Variants in SFXN1 observed in about 807,000 individuals in gnomAD.
SFXN1 encodes sideroflexin-1.
In SFXN1, 32 loss-of-function variants were observed where a neutral mutation model predicts 39.5. The ratio of observed to expected loss-of-function variants is 0.81; its 90% CI spans 0.61 to 1.09. SFXN1 has a LOEUF of 1.09. SFXN1 is among the 50% of genes least tolerant of loss of function. The pLI is 0.00. For synonymous variants in SFXN1, 136 were observed against 146.5 expected, an observed-to-expected ratio of 0.93 and a Z score of 0.52; for missense variants, 402 against 407.1, an observed-to-expected ratio of 0.99 and a Z score of 0.11.
At chr5:175,511,625 T>C in intron 5 of SFXN1, 99 bp downstream of exon 5, 2 of 933,484 alleles carry the variant, frequency 2.1e-6, no homozygotes, top group South Asian at 2.9e-5. Context: ...TCAAGTCATA[T>C]GGCTTTCTTG....
intron 5 of SFXN1, 82 bp from the exon 6 acceptor site, chr5:175,512,029 A>AACTTCT (rs1760536229): frequency 3.1e-6 from 4 of 1,305,086 alleles, no homozygotes; most frequent in Non-Finnish European, 4.3e-6. Context: ...CATTTTTCAG[A>AACTTCT]GTTTTCAAGA....
intron 1 of SFXN1, among the ~76,000 whole-genome samples, chr5:175,488,342 G>T (rs1235604223): frequency 9.7e-5 from 14 of 144,362 alleles, no homozygotes; most frequent in Admixed American, 7.0e-4. Flanking sequence ...CGCTCTTGTT[G>T]CCCAGGCTGG....
chr5:175,506,545 T>C (rs1760306183), intron 2 of SFXN1, among the ~76,000 whole-genome samples: 1 of 152,232 alleles, frequency 6.6e-6, no homozygotes, highest in African/African-American at 2.4e-5. Flanking sequence ...TACTTCCTCA[T>C]CCTTTACAAA....
At chr5:175,524,640 A>T (rs1379110984) in intron 10 of SFXN1, among the ~76,000 whole-genome samples, 1 of 151,880 alleles carries the variant, frequency 6.6e-6, no homozygotes, top group Non-Finnish European at 1.5e-5. Context: ...AGCACAAAAG[A>T]ATAAACATCA....
At chr5:175,501,761 C>A (rs1036226158) in intron 2 of SFXN1, among the ~76,000 whole-genome samples, 3 of 152,120 alleles carry the variant, frequency 2.0e-5, no homozygotes, top group Non-Finnish European at 4.4e-5. Flanking sequence ...TAGGGAAATG[C>A]AAATCCACAA....
At chr5:175,518,921 G>GTTCTTA (rs1245526803) in intron 8 of SFXN1, among the ~76,000 whole-genome samples, 4 of 152,228 alleles carry the variant, frequency 2.6e-5, no homozygotes, top group Admixed American at 1.3e-4. Flanking sequence ...TTAAAATTCT[G>GTTCTTA]TTCTTTAAAA....
intron 1 of SFXN1, among the ~76,000 whole-genome samples, chr5:175,481,429 C>A (rs184978448): frequency 1.3e-5 from 2 of 152,364 alleles, no homozygotes; most frequent in African/African-American, 2.4e-5. Flanking sequence ...TCAAGTGATT[C>A]TCCTGCCTCA....
chr5:175,514,576 C>G (rs1016011143), intron 7 of SFXN1, among the ~76,000 whole-genome samples: 7 of 152,224 alleles, frequency 4.6e-5, no homozygotes, highest in Non-Finnish European at 8.8e-5. Flanking sequence ...AAATGAAGCT[C>G]TCCAATGAAG....
At chr5:175,494,945 C>G (rs1377827269) in intron 2 of SFXN1, among the ~76,000 whole-genome samples, 1 of 152,032 alleles carries the variant, frequency 6.6e-6, no homozygotes, top group African/African-American at 2.4e-5. Context: ...GGGAATATAC[C>G]TGAAAGAAAT....
intron 2 of SFXN1, among the ~76,000 whole-genome samples, chr5:175,505,825 T>C (rs1383022415): frequency 1.3e-5 from 2 of 152,194 alleles, no homozygotes; most frequent in East Asian, 3.8e-4. Flanking sequence ...ACATTTTCTT[T>C]TCTTTTCTTT....
At chr5:175,497,944 A>G (rs1157397237) in intron 2 of SFXN1, among the ~76,000 whole-genome samples, 4 of 151,712 alleles carry the variant, frequency 2.6e-5, no homozygotes, top group Non-Finnish European at 4.4e-5. Context: ...AAGAAAAAAA[A>G]AAAAAAAAAA....
At chr5:175,514,695 A>G (rs1760655240) in intron 7 of SFXN1, among the ~76,000 whole-genome samples, 1 of 152,232 alleles carries the variant, frequency 6.6e-6, no homozygotes, top group Non-Finnish European at 1.5e-5. Context: ...GCAGGCAACA[A>G]AAGTTGAAAA....
At chr5:175,490,851 C>CA (rs1554099944) in intron 1 of SFXN1, among the ~76,000 whole-genome samples, 36 of 149,364 alleles carry the variant, frequency 2.4e-4, no homozygotes, top group African/African-American at 6.9e-4. Flanking sequence ...GAAATAAGTG[C>CA]AAAAAAAACA....
chr5:175,510,990 T>G (rs1760490443), intron 4 of SFXN1, among the ~76,000 whole-genome samples: 1 of 152,238 alleles, frequency 6.6e-6, no homozygotes, highest in Non-Finnish European at 1.5e-5. Flanking sequence ...CTTAGTATTT[T>G]TATACAGTTA....
At chr5:175,496,227 G>A (rs771779932) in intron 2 of SFXN1, among the ~76,000 whole-genome samples, 20 of 151,202 alleles carry the variant, frequency 1.3e-4, no homozygotes, top group Non-Finnish European at 2.4e-4. Context: ...AATTGTAATA[G>A]ATAGCCAGGC....
At chr5:175,510,679 C>T (rs545423473) in intron 4 of SFXN1, among the ~76,000 whole-genome samples, 1 of 152,052 alleles carries the variant, frequency 6.6e-6, no homozygotes, top group Non-Finnish European at 1.5e-5. Context: ...TTTAAAATAG[C>T]TCATCTGTGG....
chr5:175,529,006 CA>C lies in SFXN1; in HGVS notation c.*2276del. On this transcript the variant is annotated 3_prime_UTR_variant, in exon 11 of 11. Transcript: ENST00000321442. ...CTGGTTAGAAGATTGACAAACTAAC[CA>C]AAATTTTACACACTCCGGTTATGTG... 6.6e-6 allele frequency: 1 copy of C among 152,090 alleles called. No individual in the cohort carries two copies. The highest frequency in any genetic ancestry group is 1.9e-4 in the East Asian group (1 of 5,188). The allele number at this position is 152,090 out of a possible 1,614,324, so 9.4% of individuals were successfully genotyped here. A position where few individuals can be genotyped will look rare whatever the true frequency, so the allele number is the denominator to read the frequency against.
At chr5:175,485,352 T>G (rs1338097786) in intron 1 of SFXN1, among the ~76,000 whole-genome samples, 1 of 152,214 alleles carries the variant, frequency 6.6e-6, no homozygotes, top group African/African-American at 2.4e-5. Flanking sequence ...AAGTGGGCCT[T>G]CCTTCTGGAG....
intron 2 of SFXN1, among the ~76,000 whole-genome samples, chr5:175,493,185 A>G (rs1759723388): frequency 6.6e-6 from 1 of 152,132 alleles, no homozygotes; most frequent in African/African-American, 2.4e-5. Flanking sequence ...GCCAGGAGGC[A>G]GAGCCGGCAG....
Sources: gnomAD v4.1 joint callset for allele counts (sites outside exome capture counted in the v4.1 genomes callset) on GRCh38, gnomAD v4.1.1 for gene constraint, MANE v1.5 for transcripts, NCBI Gene and HGNC (gene_info 2026-07-23, HGNC 2026-07-21) for gene names.